The following SNTG1 variants were observed in gnomAD, a reference collection of about 807,000 sequenced individuals.
SNTG1 encodes the protein gamma-1-syntrophin.
A neutral mutation model predicts 74.7 loss-of-function variants in SNTG1; 39 were observed. The observed-to-expected ratio is 0.52, with a 90% CI of 0.40 to 0.68. The LOEUF (loss-of-function observed/expected upper bound fraction) is 0.68, where lower values mean the gene tolerates loss of function less well. Among genes scored for constraint, SNTG1 ranks in the 30% least tolerant of loss-of-function variants. The pLI is 0.00. For synonymous variants in SNTG1, 254 were observed against 217.1 expected, an observed-to-expected ratio of 1.17 and a Z score of -1.49; for missense variants, 685 against 609.5, an observed-to-expected ratio of 1.12 and a Z score of -1.30.
chr8:50,087,918 T>C (rs1463623893), intron 1 of SNTG1, among the ~76,000 whole-genome samples: 4 of 139,802 alleles, frequency 2.9e-5, no homozygotes, highest in Admixed American at 2.1e-4. Context: ...TCTCCCAATG[T>C]TATCCCTCCC....
At chr8:50,587,088 ATCT>A (rs2094654153) in intron 12 of SNTG1, among the ~76,000 whole-genome samples, 1 of 151,958 alleles carries the variant, frequency 6.6e-6, no homozygotes, top group Non-Finnish European at 1.5e-5. Flanking sequence ...ACAGACATTA[ATCT>A]AAATTTGTAA....
At chr8:50,484,132 CT>C (rs1563453363) in intron 8 of SNTG1, among the ~76,000 whole-genome samples, 1 of 114,556 alleles carries the variant, frequency 8.7e-6, no homozygotes, top group African/African-American at 3.4e-5. Flanking sequence ...TTCTTTCTTT[CT>C]TTCCTTCTTT....
At chr8:50,787,054 C>A (rs1030669433) in intron 18 of SNTG1, among the ~76,000 whole-genome samples, 1 of 151,690 alleles carries the variant, frequency 6.6e-6, no homozygotes, top group East Asian at 1.9e-4. Context: ...ATACAACTTG[C>A]AGATTGGCAG....
chr8:50,075,364 T>G (rs1273267363), intron 1 of SNTG1, among the ~76,000 whole-genome samples: 1 of 152,144 alleles, frequency 6.6e-6, no homozygotes, highest in African/African-American at 2.4e-5. Flanking sequence ...GGCTGGAGGA[T>G]TGTATATGCA....
intron 1 of SNTG1, among the ~76,000 whole-genome samples, chr8:49,943,979 A>T (rs1307818479): frequency 6.6e-6 from 1 of 152,226 alleles, no homozygotes; most frequent in Non-Finnish European, 1.5e-5. Flanking sequence ...AAGCAAATAA[A>T]GTGGTTACAA....
chr8:50,504,823 G>A (rs963657400), intron 9 of SNTG1, among the ~76,000 whole-genome samples: 5 of 151,978 alleles, frequency 3.3e-5, no homozygotes, highest in African/African-American at 9.7e-5. Context: ...TTTCCAAAGT[G>A]AGCATGTTAT....
chr8:50,735,710 C>G (rs886514100), intron 17 of SNTG1, among the ~76,000 whole-genome samples: 6 of 151,904 alleles, frequency 3.9e-5, no homozygotes, highest in Non-Finnish European at 7.4e-5. Context: ...AGGATAATAT[C>G]CAGGAGAACT....
chr8:50,630,621 A>G (rs550399564), intron 13 of SNTG1, among the ~76,000 whole-genome samples: 1 of 152,166 alleles, frequency 6.6e-6, no homozygotes, highest in African/African-American at 2.4e-5. Context: ...CCTCCTCTTT[A>G]TTTATACAAC....
At chr8:50,224,638 T>C (rs2085238033) in intron 2 of SNTG1, among the ~76,000 whole-genome samples, 1 of 152,150 alleles carries the variant, frequency 6.6e-6, no homozygotes, top group Non-Finnish European at 1.5e-5. Context: ...GCTAAGGGCA[T>C]TTTAAGGTAA....
In SNTG1 at chr8:50,497,467, CAATA is replaced by C. The variant is rs755734634; in HGVS notation, c.364-5310_364-5307del. On this transcript the variant is annotated intron_variant, in intron 8 of 18. Coordinates refer to ENST00000642720, the MANE Select transcript of SNTG1 (RefSeq NM_018967.5). ...TATATTTTAATTTATCAGAAATTCC[CAATA>C]GAGTCACATAATATTGATTATATCA... Among the ~76,000 whole-genome samples, 16 of 151,464 alleles carry C rather than the reference CAATA, an allele frequency of 1.1e-4. No homozygotes were observed. In the East Asian group the frequency reaches 3.1e-3, roughly 29 times the overall value.
intron 13 of SNTG1, among the ~76,000 whole-genome samples, chr8:50,647,860 A>G (rs539265984): frequency 2.0e-5 from 3 of 151,542 alleles, no homozygotes; most frequent in East Asian, 3.9e-4. Context: ...AAAACATCCT[A>G]TTTCTATTAT....
intron 1 of SNTG1, among the ~76,000 whole-genome samples, chr8:50,126,284 G>A (rs775967711): frequency 6.6e-6 from 1 of 152,022 alleles, no homozygotes; most frequent in Non-Finnish European, 1.5e-5. Context: ...TTTTTAATTG[G>A]TTGTGCCAGG....
chr8:50,533,201 G>A (rs190855612), intron 10 of SNTG1, among the ~76,000 whole-genome samples: 2 of 152,296 alleles, frequency 1.3e-5, no homozygotes, highest in Admixed American at 1.3e-4. Flanking sequence ...TTTGTTCTGT[G>A]CTTACCAGAA....
chr8:50,245,868 C>T (rs906160062), intron 2 of SNTG1, among the ~76,000 whole-genome samples: 4 of 151,866 alleles, frequency 2.6e-5, no homozygotes, highest in South Asian at 2.1e-4. Context: ...CGTGATAGAA[C>T]GTGTAAGTAC....
intron 15 of SNTG1, among the ~76,000 whole-genome samples, chr8:50,671,528 A>C (rs2095282657): frequency 1.3e-5 from 2 of 152,144 alleles, no homozygotes; most frequent in Non-Finnish European, 2.9e-5. Flanking sequence ...GGCGATCATT[A>C]AAAAGTCAGG....
intron 2 of SNTG1, among the ~76,000 whole-genome samples, chr8:50,297,058 C>T (rs1274777878): frequency 3.3e-5 from 5 of 152,122 alleles, no homozygotes; most frequent in African/African-American, 7.2e-5. Flanking sequence ...TGGCAGTGCC[C>T]GGTATATTTT....
At chr8:50,528,207 T>C (rs1425681448) in intron 9 of SNTG1, among the ~76,000 whole-genome samples, 1 of 152,044 alleles carries the variant, frequency 6.6e-6, no homozygotes, top group African/African-American at 2.4e-5. Flanking sequence ...CATCCCTTTC[T>C]TTCTCTTGAT....
intron 1 of SNTG1, among the ~76,000 whole-genome samples, chr8:50,141,283 C>A (rs2081647829): frequency 6.6e-6 from 1 of 152,160 alleles, no homozygotes; most frequent in South Asian, 2.1e-4. Flanking sequence ...TCATAAGATA[C>A]CTCTGAATGC....
chr8:50,015,786 C>T (rs1490118898), intron 1 of SNTG1, among the ~76,000 whole-genome samples: 1 of 152,104 alleles, frequency 6.6e-6, no homozygotes, highest in Non-Finnish European at 1.5e-5. Context: ...GCATAAAAAT[C>T]TGTGCTTTGG....
Sources: gnomAD v4.1 joint callset for allele counts (sites outside exome capture counted in the v4.1 genomes callset) on GRCh38, gnomAD v4.1.1 for gene constraint, MANE v1.5 for transcripts, NCBI Gene and HGNC (gene_info 2026-07-23, HGNC 2026-07-21) for gene names.